The following APIP variants were observed in gnomAD, a reference collection of about 807,000 sequenced individuals.
The protein encoded by APIP is APAF1 interacting protein.
In APIP, 32 loss-of-function variants were observed where a neutral mutation model predicts 32.0. That is an observed-to-expected ratio of 1.00 (90% CI 0.76 to 1.34). The LOEUF (loss-of-function observed/expected upper bound fraction) is 1.34, where lower values mean the gene tolerates loss of function less well. Among genes scored for constraint, APIP ranks in the 40% most tolerant of loss-of-function variants. APIP has a pLI of 0.00. For synonymous variants in APIP, 92 were observed against 94.8 expected, an observed-to-expected ratio of 0.97 and a Z score of 0.17; for missense variants, 247 against 298.6, an observed-to-expected ratio of 0.83 and a Z score of 1.27.
intron 1 of APIP, among the ~76,000 whole-genome samples, chr11:34,910,034 G>C (rs1853522370): frequency 6.6e-6 from 1 of 152,162 alleles, no homozygotes; most frequent in Admixed American, 6.5e-5. Context: ...GTATAAAACA[G>C]TCATCTTTGG....
At chr11:34,910,607 A>G (rs1853531134) in intron 1 of APIP, among the ~76,000 whole-genome samples, 1 of 152,218 alleles carries the variant, frequency 6.6e-6, no homozygotes, top group African/African-American at 2.4e-5. Flanking sequence ...TAAGTATGTA[A>G]TAATATTAAC....
intron 1 of APIP, among the ~76,000 whole-genome samples, chr11:34,911,836 T>C (rs917874256): frequency 6.6e-6 from 1 of 152,156 alleles, no homozygotes; most frequent in South Asian, 2.1e-4. Flanking sequence ...CCTCCCTCTA[T>C]ACTTGCAAAA....
At chr11:34,908,426 G>A (rs559360498) in intron 1 of APIP, among the ~76,000 whole-genome samples, 2 of 152,292 alleles carry the variant, frequency 1.3e-5, no homozygotes, top group East Asian at 3.9e-4. Flanking sequence ...TCTGTCCTTG[G>A]TCTTCGTTTC....
chr11:34,886,537 C>A lies in APIP; in HGVS notation c.461+1756G>T, dbSNP rs972564272. On this transcript the variant is annotated intron_variant, in intron 5 of 6. Coordinates refer to ENST00000395787, the MANE Select transcript of APIP (RefSeq NM_015957.4). ...ATAAATTTCGTGTAGCCTAAACATA[C>A]AATGCTTATAAAGTCTATAGTAGTG... is the stretch of plus-strand genomic sequence containing the variant. Among the ~76,000 whole-genome samples the A allele has an allele frequency of 2.6e-5, 4 of 152,058 alleles. No homozygotes were observed. In the East Asian group the frequency reaches 7.7e-4, roughly 29 times the overall value.
intron 3 of APIP, 50 bp from the exon 4 acceptor site, chr11:34,888,919 A>G (rs757624142): frequency 1.3e-5 from 14 of 1,095,356 alleles, no homozygotes; most frequent in African/African-American, 8.3e-5. Context: ...TAAAATATCA[A>G]TTAGAAATGT....
chr11:34,916,120 C>A, intron 1 of APIP, 108 bp downstream of exon 1: 1 of 1,438,538 alleles, frequency 7.0e-7, no homozygotes, highest in African/African-American at 1.4e-5. Flanking sequence ...CGAAACCCCG[C>A]CCCGCAGCTA....
At position 34,883,371 on chromosome 11, in the gene APIP, C is replaced by T; in HGVS notation, c.595G>A (p.Val199Met). The change falls in exon 6 of 7, where the codon GTG (valine) becomes ATG (methionine). Residue 199 changes from valine (V) to methionine (M), a missense_variant. Physicochemically the swap from Val to Met is conservative, Grantham distance 21 (BLOSUM62 1). Transcript: ENST00000395787. Reference sequence around the variant, plus strand: ...GCCTTCTCCCATGTTTCCCCCCACACATATACTCCATGACGTCTGACCAGT... The same window carrying T: ...GCCTTCTCCCATGTTTCCCCCCACATATATACTCCATGACGTCTGACCAGT... ...AVLVRRHGVY[V>M]WGETWEKAKT... 1 of 1,613,326 alleles carries T rather than the reference C, an allele frequency of 6.2e-7. No homozygotes were observed.
At chr11:34,898,786 G>GT (rs57593563) in intron 1 of APIP, among the ~76,000 whole-genome samples, 1,144 of 55,180 alleles carry the variant, frequency 0.021, 132 homozygotes, top group Admixed American at 0.027. Flanking sequence ...TCTTTCTTTG[G>GT]TTTTTTTTTT....
chr11:34,896,671 AG>A lies in APIP; in HGVS notation c.58-1562del, dbSNP rs924155318. On this transcript the variant is annotated intron_variant, in intron 1 of 6. Coordinates refer to ENST00000395787, the MANE Select transcript of APIP (RefSeq NM_015957.4). Reference sequence around the variant, plus strand: ...AACCACCATGGCACGTGTATACCTAAGTAACAAACCTGTAAGTTCTGCACAC... The same window carrying A: ...AACCACCATGGCACGTGTATACCTAATAACAAACCTGTAAGTTCTGCACAC... 5.6e-5 allele frequency: 47 copies of A among 833,416 alleles called. No individual in the cohort carries two copies. The African/African-American group carries it at 8.1e-4, about 14-fold the overall frequency. 51.6% of individuals were successfully genotyped at this position (833,416 alleles called of 1,614,324 possible). A position where few individuals can be genotyped will look rare whatever the true frequency, so the allele number is the denominator to read the frequency against.
chr11:34,911,708 C>T (rs944238926), intron 1 of APIP, among the ~76,000 whole-genome samples: 7 of 152,108 alleles, frequency 4.6e-5, no homozygotes, highest in Non-Finnish European at 7.3e-5. Flanking sequence ...GTAGTGCTAC[C>T]TCTTAAAACA....
rs1038181291 is a variant in APIP at position 34,884,273 on chromosome 11, A to T, written c.462-769T>A. 1.0e-3 allele frequency among the ~76,000 whole-genome samples: 27 copies of T among 26,234 alleles called. No individual in the cohort carries two copies. In the East Asian group the frequency reaches 0.015, roughly 15 times the overall value. The allele number at this position is 26,234 out of a possible 152,430, so 17.2% of individuals were successfully genotyped here. ...CTACTTCTATAGTGCTAAAAACTTA[A>T]AAAAAAAAGTTCTAGCTAAAGTATT... On this transcript the variant is annotated intron_variant, in intron 5 of 6. Transcript: ENST00000395787.
At chr11:34,901,429 G>A (rs1229142149) in intron 1 of APIP, among the ~76,000 whole-genome samples, 2 of 152,018 alleles carry the variant, frequency 1.3e-5, no homozygotes, top group Non-Finnish European at 2.9e-5. Flanking sequence ...CAGCGACTCA[G>A]ACTGCCATTA....
chr11:34,901,471 C>A (rs1565137704), intron 1 of APIP, among the ~76,000 whole-genome samples: 1 of 152,080 alleles, frequency 6.6e-6, no homozygotes, highest in African/African-American at 2.4e-5. Context: ...TTCTGGAAAT[C>A]AAAGGAAGGA....
intron 5 of APIP, among the ~76,000 whole-genome samples, chr11:34,887,259 T>A (rs1048902383): frequency 6.6e-6 from 1 of 152,206 alleles, no homozygotes; most frequent in African/African-American, 2.4e-5. Flanking sequence ...TCAGAAAAAC[T>A]GATTCTTCTG....
intron 1 of APIP, among the ~76,000 whole-genome samples, chr11:34,911,150 T>A (rs1853542453): frequency 6.6e-6 from 1 of 151,328 alleles, no homozygotes; most frequent in Admixed American, 6.6e-5. Context: ...GGTAAAAGGG[T>A]AGGGGTTGGG....
At chr11:34,913,930 T>G (rs1286673015) in intron 1 of APIP, among the ~76,000 whole-genome samples, 2 of 152,188 alleles carry the variant, frequency 1.3e-5, no homozygotes, top group Non-Finnish European at 2.9e-5. Flanking sequence ...TAGCTTCATC[T>G]CAAGTCTCTG....
intron 5 of APIP, among the ~76,000 whole-genome samples, chr11:34,884,011 T>C (rs1853016178): frequency 6.6e-6 from 1 of 152,210 alleles, no homozygotes; most frequent in Non-Finnish European, 1.5e-5. Flanking sequence ...ACAGCAAGAA[T>C]GTTCTGGAGA....
chr11:34,910,936 T>G (rs1853537705), intron 1 of APIP, among the ~76,000 whole-genome samples: 1 of 152,144 alleles, frequency 6.6e-6, no homozygotes, highest in Admixed American at 6.5e-5. Flanking sequence ...TCTTTGTGAT[T>G]TTGGAGGCAA....
At chr11:34,889,047 TAC>T (rs1853140254) in intron 3 of APIP, among the ~76,000 whole-genome samples, 178 bp from the exon 4 acceptor site, 1 of 152,062 alleles carries the variant, frequency 6.6e-6, no homozygotes, top group African/African-American at 2.4e-5. Context: ...ATATTTAACT[TAC>T]ATTTTAAATA....
Sources: allele counts gnomAD v4.1 joint callset (sites outside exome capture counted in the v4.1 genomes callset), GRCh38; gene constraint gnomAD v4.1.1; transcripts MANE v1.5; gene names NCBI Gene and HGNC (gene_info 2026-07-23, HGNC 2026-07-21).